The following LRRK1 variants were observed in gnomAD, a reference collection of about 807,000 sequenced individuals.
The protein encoded by LRRK1 is leucine rich repeat kinase 1.
Under a neutral mutation model 209.1 loss-of-function variants are expected in LRRK1, and 113 were observed. The observed-to-expected ratio is 0.54, with a 90% CI of 0.46 to 0.63. The LOEUF is 0.63. Ranked by LOEUF, LRRK1 falls within the 30% of genes least tolerant of loss-of-function variation. LRRK1 has a pLI of 0.00. For synonymous variants in LRRK1, 1,144 were observed against 1,099.7 expected, an observed-to-expected ratio of 1.04 and a Z score of -0.80; for missense variants, 2,284 against 2,632.2, an observed-to-expected ratio of 0.87 and a Z score of 2.89.
intron 31 of LRRK1, chr15:101,064,675 A>G (rs2924834): frequency 0.34 from 51,320 of 153,008 alleles, 9,792 homozygotes; most frequent in Non-Finnish European, 0.42. Context: ...GCAGGCTGAG[A>G]CAGGCCTCCA....
In LRRK1 at chr15:101,046,125, G is replaced by T. The variant is rs762340623; in HGVS notation, c.3108G>T (p.Leu1036=). 1.1e-5 allele frequency: 17 copies of T among 1,614,140 alleles called. No homozygotes were observed. Among genetic ancestry groups the T allele is most frequent in the Non-Finnish European group, 1.4e-5 (16 of 1,180,054 alleles). Residue 1036 remains leucine (L), a synonymous_variant, in exon 21 of 34, where the codon CTG becomes CTT. Transcript: ENST00000388948. ...GFWQRFIARM[L]ISLAEMDLQL... Reference sequence around the variant, plus strand: ...GGCAAAGGTTTATAGCACGGATGCTGATCAGCCTGGCGGAGATGGACCTGC... The same window carrying T: ...GGCAAAGGTTTATAGCACGGATGCTTATCAGCCTGGCGGAGATGGACCTGC...
chr15:100,982,287 C>T (rs2031646563), intron 3 of LRRK1, among the ~76,000 whole-genome samples: 1 of 152,260 alleles, frequency 6.6e-6, no homozygotes, highest in Non-Finnish European at 1.5e-5. Context: ...CCACAGGAGG[C>T]AGCCAGCTTC....
chr15:101,060,094 G>A (rs148061445), intron 29 of LRRK1, among the ~76,000 whole-genome samples: 28 of 152,270 alleles, frequency 1.8e-4, no homozygotes, highest in Non-Finnish European at 3.2e-4. Flanking sequence ...AACTCACTGC[G>A]GCCTGAAGAG....
intron 2 of LRRK1, among the ~76,000 whole-genome samples, chr15:100,950,234 A>AT (rs57569466): frequency 3.2e-5 from 1 of 31,276 alleles, no homozygotes; most frequent in Non-Finnish European, 6.2e-5. Flanking sequence ...TTAAGAAAAC[A>AT]CATTTACAAT....
Position 100,989,369 on chromosome 15 carries a change from C to A in LRRK1, c.733C>A (p.Pro245Thr), listed in dbSNP as rs780846312. Reference protein sequence around the residue: ...LLRKYFIEASPLPSSYPGKTA... With the variant: ...LLRKYFIEASTLPSSYPGKTA... ...GAGAAAGTACTTCATTGAAGCCAGT[C>A]CCTTGCCCAGCAGTTATCCGGGAAA... The change falls in exon 6 of 34, where the codon CCC becomes ACC. Residue 245 changes from proline to threonine, a missense_variant. Coordinates refer to ENST00000388948, the MANE Select transcript of LRRK1 (RefSeq NM_024652.6). 3.1e-6 allele frequency: 5 copies of A among 1,614,228 alleles called. No homozygotes were observed. Among genetic ancestry groups the A allele is most frequent in the Non-Finnish European group, 3.4e-6 (4 of 1,180,044 alleles).
chr15:101,010,626 G>A, intron 8 of LRRK1, 48 bp from the exon 9 acceptor site: 2 of 1,591,868 alleles, frequency 1.3e-6, no homozygotes, highest in Non-Finnish European at 1.7e-6. Context: ...CTTCTTGGTA[G>A]GGATATTTTT....
chr15:101,055,001 C>T lies in LRRK1; in HGVS notation c.4110C>T (p.Ile1370=), dbSNP rs773680878. ...TCACCCAAAAAATAGCCTACCAGATCGCCTCGGGCCTGGCCTACCTGCACA... is the reference window on the plus strand; with the variant it reads ...TCACCCAAAAAATAGCCTACCAGATTGCCTCGGGCCTGGCCTACCTGCACA... The part of the protein sequence containing the change: ...HMLTQKIAYQ[I]ASGLAYLHKK... The change falls in exon 27 of 34, where the codon ATC becomes ATT. Residue 1370 remains isoleucine (I), a synonymous_variant. Transcript: ENST00000388948. The T allele has an allele frequency of 1.7e-5, 28 of 1,613,700 alleles. No individual in the cohort carries two copies. Among genetic ancestry groups the T allele is most frequent in the Admixed American group, 6.7e-5 (4 of 59,928 alleles).
intron 6 of LRRK1, among the ~76,000 whole-genome samples, chr15:101,002,520 T>C (rs1362152537): frequency 6.6e-6 from 1 of 152,238 alleles, no homozygotes; most frequent in Non-Finnish European, 1.5e-5. Context: ...TAACCACTCC[T>C]GTGTTGAATT....
At chr15:101,052,233 T>C (rs1317816644) in intron 24 of LRRK1, among the ~76,000 whole-genome samples, 1 of 152,152 alleles carries the variant, frequency 6.6e-6, no homozygotes, top group East Asian at 1.9e-4. Context: ...CGGCTCCCCC[T>C]TCCCCTCGTA....
At chr15:101,037,883 GA>G (rs1387409469) in intron 20 of LRRK1, among the ~76,000 whole-genome samples, 1 of 152,160 alleles carries the variant, frequency 6.6e-6, no homozygotes, top group East Asian at 1.9e-4. Context: ...CTACCCAGAG[GA>G]AAAGAAGTCA....
At chr15:100,951,235 T>C (rs2042645566) in intron 2 of LRRK1, among the ~76,000 whole-genome samples, 1 of 152,154 alleles carries the variant, frequency 6.6e-6, no homozygotes, top group Admixed American at 6.5e-5. Flanking sequence ...AAAACCACCA[T>C]GAGATACCAC....
At chr15:100,929,874 T>C (rs1398067799) in intron 2 of LRRK1, among the ~76,000 whole-genome samples, 2 of 152,214 alleles carry the variant, frequency 1.3e-5, no homozygotes, top group Admixed American at 6.5e-5. Context: ...GGGAAGCTGA[T>C]TGGTGGCCCA....
Position 101,047,504 on chromosome 15 carries a change from C to T in LRRK1, c.3136-990C>T, listed in dbSNP as rs1266706237. Among the ~76,000 whole-genome samples, 6 of 152,328 alleles carry T rather than the reference C, an allele frequency of 3.9e-5. No individual in the cohort carries two copies. The East Asian group carries it at 9.6e-4, about 24-fold the overall frequency. ...GCCCAGCTGGGCCTGGAGGCCAGGG[C>T]GCCCTTCCGGGCAGCAGCTTCCCTC... On this transcript the variant is annotated intron_variant, in intron 21 of 33. Transcript: ENST00000388948.
intron 2 of LRRK1, among the ~76,000 whole-genome samples, chr15:100,928,865 G>A (rs543258361): frequency 6.6e-6 from 1 of 152,184 alleles, no homozygotes; most frequent in African/African-American, 2.4e-5. Context: ...CCTGCCGTGC[G>A]GCCCGCTGTG....
At chr15:101,054,182 C>G (rs185333924) in intron 26 of LRRK1, among the ~76,000 whole-genome samples, 1 of 152,264 alleles carries the variant, frequency 6.6e-6, no homozygotes, top group African/African-American at 2.4e-5. Context: ...ACCCTGTTGC[C>G]CAGGTCGTTC....
At chr15:100,947,591 C>G (rs1212620599) in intron 2 of LRRK1, among the ~76,000 whole-genome samples, 1 of 152,162 alleles carries the variant, frequency 6.6e-6, no homozygotes, top group Non-Finnish European at 1.5e-5. Flanking sequence ...AAAATTAGGA[C>G]TGAGTATATC....
At chr15:101,000,263 ATTACCTTTTAAAAT>A (rs1460795563) in intron 6 of LRRK1, among the ~76,000 whole-genome samples, 4 of 152,136 alleles carry the variant, frequency 2.6e-5, no homozygotes, top group Non-Finnish European at 5.9e-5. Context: ...TGTCATTGTC[ATTACCTTTTAAAAT>A]TACATTTCTA....
intron 19 of LRRK1, among the ~76,000 whole-genome samples, chr15:101,028,026 C>T (rs2034120253): frequency 6.6e-6 from 1 of 152,208 alleles, no homozygotes; most frequent in South Asian, 2.1e-4. Flanking sequence ...GACAGACATA[C>T]AAGCTGATGG....
At chr15:100,943,971 C>A (rs1441832324) in intron 2 of LRRK1, among the ~76,000 whole-genome samples, 2 of 152,158 alleles carry the variant, frequency 1.3e-5, no homozygotes, top group African/African-American at 4.8e-5. Flanking sequence ...AGCCACCACA[C>A]CCGGTCGTGA....
Sources: gnomAD v4.1 joint callset for allele counts (sites outside exome capture counted in the v4.1 genomes callset) on GRCh38, gnomAD v4.1.1 for gene constraint, MANE v1.5 for transcripts, NCBI Gene and HGNC (gene_info 2026-07-23, HGNC 2026-07-21) for gene names.